Variants in AGBL1 observed in about 807,000 individuals in gnomAD.
The protein encoded by AGBL1 is cytosolic carboxypeptidase 4.
A neutral mutation model predicts 118.9 loss-of-function variants in AGBL1; 130 were observed. The ratio of observed to expected loss-of-function variants is 1.09; its 90% CI spans 0.95 to 1.26. AGBL1 has a LOEUF of 1.26. Among genes scored for constraint, AGBL1 ranks in the 50% most tolerant of loss-of-function variants. The pLI is 0.00. For missense variants in AGBL1, 1,584 were observed against 1,298.1 expected, an observed-to-expected ratio of 1.22 and a Z score of -3.38; for synonymous variants, 555 against 478.9, an observed-to-expected ratio of 1.16 and a Z score of -2.08.
intron 17 of AGBL1, among the ~76,000 whole-genome samples, chr15:86,319,881 C>T (rs758571577): frequency 3.3e-5 from 5 of 149,480 alleles, no homozygotes; most frequent in African/African-American, 5.0e-5. Context: ...CTCAGCCTCC[C>T]GAGTAGCTGG....
chr15:86,417,604 G>A (rs553972080), intron 18 of AGBL1, among the ~76,000 whole-genome samples: 1 of 152,298 alleles, frequency 6.6e-6, no homozygotes, highest in Non-Finnish European at 1.5e-5. Flanking sequence ...TAGCCATACA[G>A]ATGCCCAGAG....
chr15:86,873,454 T>C (rs759480409), intron 22 of AGBL1, among the ~76,000 whole-genome samples: 1 of 152,160 alleles, frequency 6.6e-6, no homozygotes, highest in Non-Finnish European at 1.5e-5. Context: ...TAATGTCCAG[T>C]TTTCTTCCCT....
chr15:86,458,152 C>G (rs1354217756), intron 18 of AGBL1, among the ~76,000 whole-genome samples: 2 of 152,018 alleles, frequency 1.3e-5, no homozygotes, highest in African/African-American at 4.8e-5. Context: ...ACTACTATGA[C>G]TAAGTAGCAA....
chr15:87,022,272 A>C (rs963620268), intron 24 of AGBL1, among the ~76,000 whole-genome samples: 1 of 152,080 alleles, frequency 6.6e-6, no homozygotes, highest in Non-Finnish European at 1.5e-5. Flanking sequence ...AACACCCCCC[A>C]AAAATCACAC....
intron 21 of AGBL1, among the ~76,000 whole-genome samples, chr15:86,555,391 CA>C (rs1197269543): frequency 1.3e-5 from 2 of 152,142 alleles, no homozygotes; most frequent in African/African-American, 2.4e-5. Flanking sequence ...GGCATCTATG[CA>C]ATCCTGAGCT....
At chr15:86,240,314 A>C (rs550789903) in intron 6 of AGBL1, among the ~76,000 whole-genome samples, 2 of 152,226 alleles carry the variant, frequency 1.3e-5, no homozygotes, top group Admixed American at 6.5e-5. Context: ...TTCATGTAAT[A>C]TGATTTAGAA....
At chr15:86,863,650 T>A (rs2079588339) in intron 22 of AGBL1, among the ~76,000 whole-genome samples, 1 of 152,192 alleles carries the variant, frequency 6.6e-6, no homozygotes, top group Admixed American at 6.5e-5. Context: ...GTTCCTATTG[T>A]TTATTAGATG....
chr15:86,878,015 T>G (rs1468186858), intron 22 of AGBL1, among the ~76,000 whole-genome samples: 1 of 152,176 alleles, frequency 6.6e-6, no homozygotes, highest in East Asian at 1.9e-4. Context: ...CAAAGAACAC[T>G]GGAAAGTGTA....
chr15:86,172,881 G>T (rs1007562100), intron 5 of AGBL1, among the ~76,000 whole-genome samples: 1 of 152,030 alleles, frequency 6.6e-6, no homozygotes, highest in Non-Finnish European at 1.5e-5. Context: ...GTGATTACTG[G>T]ATTGCATGAT....
chr15:86,951,084 G>C (rs1006060991), intron 23 of AGBL1, among the ~76,000 whole-genome samples: 2 of 152,098 alleles, frequency 1.3e-5, no homozygotes, highest in Non-Finnish European at 2.9e-5. Context: ...TTTTTAGAGA[G>C]ACACCCTCTT....
At chr15:86,723,858 A>G (rs2086775454) in intron 22 of AGBL1, among the ~76,000 whole-genome samples, 1 of 152,132 alleles carries the variant, frequency 6.6e-6, no homozygotes, top group South Asian at 2.1e-4. Flanking sequence ...GCGTGCTGGC[A>G]GAGTGGGAAT....
chr15:86,678,357 A>G (rs1056040999), intron 22 of AGBL1, among the ~76,000 whole-genome samples: 1 of 152,112 alleles, frequency 6.6e-6, no homozygotes, highest in Non-Finnish European at 1.5e-5. Flanking sequence ...CATTTTTAGG[A>G]GAAAATGGGG....
chr15:86,794,340 G>A (rs966200231), intron 22 of AGBL1, among the ~76,000 whole-genome samples: 5 of 152,170 alleles, frequency 3.3e-5, no homozygotes, highest in African/African-American at 1.2e-4. Context: ...AGTGAAAGAA[G>A]CCAATCACAG....
intron 24 of AGBL1, among the ~76,000 whole-genome samples, chr15:87,001,917 A>G (rs2081442954): frequency 6.6e-6 from 1 of 151,950 alleles, no homozygotes. Flanking sequence ...ATTTTCTCCC[A>G]TTCTGTAGGT....
At chr15:87,027,883 G>C (rs2081749166) in intron 24 of AGBL1, among the ~76,000 whole-genome samples, 1 of 151,878 alleles carries the variant, frequency 6.6e-6, no homozygotes, top group Non-Finnish European at 1.5e-5. Flanking sequence ...GGCCTCTCGA[G>C]GGGTGTAGGT....
At chr15:86,866,068 G>A (rs1011667021) in intron 22 of AGBL1, among the ~76,000 whole-genome samples, 8 of 152,050 alleles carry the variant, frequency 5.3e-5, no homozygotes, top group African/African-American at 1.9e-4. Flanking sequence ...AAACATCTTT[G>A]TCATCTACTC....
At chr15:86,688,891 A>G (rs867974357) in intron 22 of AGBL1, among the ~76,000 whole-genome samples, 1 of 148,692 alleles carries the variant, frequency 6.7e-6, no homozygotes, top group African/African-American at 2.4e-5. Context: ...ATCCCCAGAC[A>G]ACAACTGACT....
rs549360480 is a variant in AGBL1, at chr15:86,703,940, A to G, written c.3158+29504A>G. On this transcript the variant is annotated intron_variant, in intron 22 of 22. Transcript: ENST00000614907. Reference sequence around the variant, plus strand: ...TACCATGGTACTGGTACCACAACAGATATATAGACCAATGGAATAGAACAG... The same window carrying G: ...TACCATGGTACTGGTACCACAACAGGTATATAGACCAATGGAATAGAACAG... Among the ~76,000 whole-genome samples, 15 of 152,228 alleles carry G rather than the reference A, an allele frequency of 9.9e-5. No homozygotes were observed. In the East Asian group the frequency reaches 2.9e-3, roughly 29 times the overall value.
intron 5 of AGBL1, among the ~76,000 whole-genome samples, chr15:86,167,036 C>A (rs769796603): frequency 6.6e-6 from 1 of 152,100 alleles, no homozygotes; most frequent in Non-Finnish European, 1.5e-5. Context: ...AGAAGTTAAT[C>A]TTCTTGCCCA....
Sources: gnomAD v4.1 joint callset for allele counts (sites outside exome capture counted in the v4.1 genomes callset) on GRCh38, gnomAD v4.1.1 for gene constraint, MANE v1.5 for transcripts, NCBI Gene and HGNC (gene_info 2026-07-23, HGNC 2026-07-21) for gene names.